The following PCED1B variants were observed in gnomAD, a reference collection of about 807,000 sequenced individuals.
PCED1B encodes PC-esterase domain-containing protein 1B.
For missense variants in PCED1B, 573 were observed against 573.9 expected, an observed-to-expected ratio of 1.00 and a Z score of 0.02; for synonymous variants, 251 against 246.1, an observed-to-expected ratio of 1.02 and a Z score of -0.19.
chr12:47,204,289 G>A (rs1055365006), intron 2 of PCED1B, among the ~76,000 whole-genome samples: 2 of 145,022 alleles, frequency 1.4e-5, no homozygotes, highest in Non-Finnish European at 3.1e-5. Flanking sequence ...ATTATGTGAA[G>A]AATGTCAATG....
intron 2 of PCED1B, among the ~76,000 whole-genome samples, chr12:47,138,029 G>A (rs538003231): frequency 6.6e-6 from 1 of 152,260 alleles, no homozygotes; most frequent in African/African-American, 2.4e-5. Context: ...TCATTCTGGA[G>A]TTTCACATAG....
intron 1 of PCED1B, among the ~76,000 whole-genome samples, chr12:47,085,767 T>C (rs939671505): frequency 6.6e-6 from 1 of 152,262 alleles, no homozygotes; most frequent in Non-Finnish European, 1.5e-5. Context: ...CTGTACATCC[T>C]ATTATTCTAG....
chr12:47,091,781 A>AT (rs888342748), intron 1 of PCED1B, among the ~76,000 whole-genome samples: 3 of 152,108 alleles, frequency 2.0e-5, no homozygotes, highest in Non-Finnish European at 2.9e-5. Context: ...ACACAGCACA[A>AT]TTTATCTGAA....
intron 2 of PCED1B, among the ~76,000 whole-genome samples, chr12:47,118,143 C>G (rs570691466): frequency 1.3e-5 from 2 of 152,256 alleles, no homozygotes; most frequent in South Asian, 2.1e-4. Context: ...TGTAAATTGC[C>G]TGTTCACTCT....
chr12:47,196,706 T>A (rs1942612414), intron 2 of PCED1B, among the ~76,000 whole-genome samples: 1 of 152,138 alleles, frequency 6.6e-6, no homozygotes, highest in South Asian at 2.1e-4. Context: ...CGGGCGCCTG[T>A]AATCCCAGCT....
At chr12:47,214,479 A>C (rs955867801) in intron 2 of PCED1B, among the ~76,000 whole-genome samples, 3 of 152,124 alleles carry the variant, frequency 2.0e-5, no homozygotes, top group African/African-American at 7.2e-5. Context: ...GCTGGGATAC[A>C]AATTAAATTG....
intron 2 of PCED1B, among the ~76,000 whole-genome samples, chr12:47,175,212 C>A (rs929005394): frequency 3.3e-5 from 5 of 152,050 alleles, no homozygotes. Flanking sequence ...CTGGCTTTAT[C>A]TTAGAATTAT....
At position 47,219,893 on chromosome 12, in the gene PCED1B, G is replaced by A. The variant is rs537456139; in HGVS notation, c.-58+3204G>A. ...CTAAAGAAACAAAAGGAAACCTTAA[G>A]CTTATCTAATTATTCAGAAGATTCA... On this transcript the variant is annotated intron_variant, in intron 3 of 3. Coordinates refer to ENST00000546455, the MANE Select transcript of PCED1B (RefSeq NM_138371.3). Among the ~76,000 whole-genome samples the A allele has an allele frequency of 1.8e-4, 27 of 151,964 alleles. 1 individual carries two copies. The South Asian group carries it at 4.6e-3, about 26-fold the overall frequency.
chr12:47,194,639 C>T lies in PCED1B; in HGVS notation c.-525-21583C>T, dbSNP rs572481670. Among the ~76,000 whole-genome samples the T allele has an allele frequency of 1.1e-4, 17 of 152,328 alleles. No homozygotes were observed. The South Asian group carries it at 3.1e-3, about 28-fold the overall frequency. ...GTGAAGCTTCTTAGAATATTGAGGT[C>T]TCCTGCTCTTCTGGGAACTGTGGGA... On this transcript the variant is annotated intron_variant, in intron 2 of 3. Coordinates refer to ENST00000546455, the MANE Select transcript of PCED1B (RefSeq NM_138371.3).
intron 1 of PCED1B, among the ~76,000 whole-genome samples, chr12:47,100,795 T>C (rs1296661748): frequency 6.6e-6 from 1 of 152,190 alleles, no homozygotes; most frequent in African/African-American, 2.4e-5. Context: ...TGGCCAGGCA[T>C]GGTGGCTTAT....
At position 47,235,611 on chromosome 12, in the gene PCED1B, G is replaced by A; in HGVS notation, c.548G>A (p.Arg183Gln). The stretch of plus-strand genomic sequence containing the variant: ...GGTTTTCTTCCGCCCAAGCTCCGGC[G>A]GCAGAAGGCCACCTTCCTGAAAAAC... The part of the protein sequence containing the change: ...TGGFLPPKLR[R>Q]QKATFLKNEV... Residue 183 changes from arginine (R) to glutamine (Q), a missense_variant, in exon 4 of 4, where the codon CGG becomes CAG. Physicochemically the swap from Arg to Gln is conservative, Grantham distance 43 (BLOSUM62 1). Coordinates refer to ENST00000546455, the MANE Select transcript of PCED1B (RefSeq NM_138371.3). 1.9e-6 allele frequency: 3 copies of A among 1,609,596 alleles called. No individual in the cohort carries two copies. Among genetic ancestry groups the A allele is most frequent in the Non-Finnish European group, 2.5e-6 (3 of 1,177,480 alleles).
intron 2 of PCED1B, among the ~76,000 whole-genome samples, chr12:47,196,892 AAAT>A (rs1942618728): frequency 6.6e-6 from 1 of 152,000 alleles, no homozygotes; most frequent in African/African-American, 2.4e-5. Flanking sequence ...ATTAACAGAA[AAAT>A]AATAAGCTGA....
At chr12:47,153,165 C>A (rs1049709758) in intron 2 of PCED1B, among the ~76,000 whole-genome samples, 1 of 151,386 alleles carries the variant, frequency 6.6e-6, no homozygotes, top group African/African-American at 2.4e-5. Flanking sequence ...CTGGCTAACA[C>A]GGTGAAACCC....
At chr12:47,195,185 C>A (rs10881075) in intron 2 of PCED1B, among the ~76,000 whole-genome samples, 1 of 151,898 alleles carries the variant, frequency 6.6e-6, no homozygotes, top group Admixed American at 6.6e-5. Flanking sequence ...AAAAATCAGC[C>A]GAGCATGGTG....
chr12:47,149,367 A>G (rs1483858356), intron 2 of PCED1B, among the ~76,000 whole-genome samples: 1 of 152,168 alleles, frequency 6.6e-6, no homozygotes, highest in Non-Finnish European at 1.5e-5. Flanking sequence ...CCCTTCGTCA[A>G]ATTCCCTGAG....
In PCED1B at chr12:47,146,135, G is replaced by A. The variant is rs556026737; in HGVS notation, c.-526+41940G>A. On this transcript the variant is annotated intron_variant, in intron 2 of 3. Coordinates refer to ENST00000546455, the MANE Select transcript of PCED1B (RefSeq NM_138371.3). ...GACTTTAAGGATTCAGGACTTCAGT[G>A]GAGGAAGTAACTGCAGATGTAGCGC... 6.6e-5 allele frequency among the ~76,000 whole-genome samples: 10 copies of A among 152,298 alleles called. No individual in the cohort carries two copies. The South Asian group carries it at 1.5e-3, about 22-fold the overall frequency.
chr12:47,100,252 G>T (rs1010929469), intron 1 of PCED1B, among the ~76,000 whole-genome samples: 4 of 152,186 alleles, frequency 2.6e-5, no homozygotes, highest in African/African-American at 9.7e-5. Flanking sequence ...AAAAGAAAAT[G>T]ATGTTTTTGG....
intron 1 of PCED1B, among the ~76,000 whole-genome samples, chr12:47,088,130 A>G (rs1453563028): frequency 6.6e-6 from 1 of 152,226 alleles, no homozygotes; most frequent in Non-Finnish European, 1.5e-5. Context: ...GAAACATGTA[A>G]AAAGTGCTTT....
chr12:47,093,899 G>A lies in PCED1B; in HGVS notation c.-608-10214G>A, dbSNP rs187099887. On this transcript the variant is annotated intron_variant, in intron 1 of 3. Transcript: ENST00000546455. ...TGTATACTTGAAGTGAATATGAAGT[G>A]GTCATTAGGTACCATTTTGCATACA... is the stretch of plus-strand genomic sequence containing the variant. 2.6e-3 allele frequency among the ~76,000 whole-genome samples: 388 copies of A among 151,994 alleles called. 2 individuals are homozygous for A. Among genetic ancestry groups the A allele is most frequent in the African/African-American group, 9.0e-3 (373 of 41,482 alleles).
Sources: allele counts gnomAD v4.1 joint callset (sites outside exome capture counted in the v4.1 genomes callset), GRCh38; gene constraint gnomAD v4.1.1; transcripts MANE v1.5; gene names NCBI Gene and HGNC (gene_info 2026-07-23, HGNC 2026-07-21).